ANK3: variants seen among roughly 807,000 people sequenced by gnomAD.
The protein encoded by ANK3 is ankyrin 3, also known as ankyrin-3.
Under a neutral mutation model 370.9 loss-of-function variants are expected in ANK3, and 57 were observed. The observed-to-expected ratio is 0.15, with a 90% CI of 0.12 to 0.19. ANK3 has a LOEUF of 0.19. Among genes scored for constraint, ANK3 ranks in the 10% least tolerant of loss-of-function variants. ANK3 has a pLI of 1.00. For missense variants in ANK3, 4,439 were observed against 5,302.1 expected (o/e 0.84, Z 5.06); for synonymous variants, 1,929 against 1,946.3 (o/e 0.99, Z 0.23).
At chr10:60,175,823 T>A (rs894452755) in intron 18 of ANK3, among the ~76,000 whole-genome samples, 2 of 152,220 alleles carry the variant, frequency 1.3e-5, no homozygotes, top group African/African-American at 4.8e-5. Context: ...GATAAGTTAT[T>A]GAACCTCTCT....
intron 14 of ANK3, among the ~76,000 whole-genome samples, chr10:60,197,236 C>T (rs751638758): frequency 2.8e-4 from 42 of 152,120 alleles, no homozygotes; most frequent in Non-Finnish European, 5.3e-4. Context: ...TTTAGAATGA[C>T]GACGTCTATT....
intron 2 of ANK3, among the ~76,000 whole-genome samples, chr10:60,555,641 C>T (rs540336883): frequency 6.6e-6 from 1 of 152,206 alleles, no homozygotes; most frequent in Non-Finnish European, 1.5e-5. Context: ...CATTCTAAAT[C>T]TTCAATATTG....
intron 23 of ANK3, among the ~76,000 whole-genome samples, chr10:60,142,864 C>T (rs1242407277): frequency 1.3e-5 from 2 of 152,078 alleles, no homozygotes; most frequent in East Asian, 3.9e-4. Flanking sequence ...ACAGTAGGTG[C>T]TCTAGGTTCA....
intron 25 of ANK3, among the ~76,000 whole-genome samples, chr10:60,129,730 G>C (rs2093961959): frequency 7.1e-6 from 1 of 140,218 alleles, no homozygotes; most frequent in Non-Finnish European, 1.6e-5. Context: ...TCCAGCCTGA[G>C]TGATAGAGTG....
Position 60,500,792 on chromosome 10 carries a change from C to T in ANK3, c.96+114394G>A, listed in dbSNP as rs988254667. ...TCCTACAATGCCAAAGTGTAAGAAC[C>T]ACTGCACTAGAGGGTATTAATATTT... is the stretch of plus-strand genomic sequence containing the variant. On this transcript the variant is annotated intron_variant, in intron 2 of 43. Coordinates refer to the ANK3 transcript ENST00000373827. Among the ~76,000 whole-genome samples, 4 of 152,142 alleles carry T rather than the reference C, an allele frequency of 2.6e-5. No homozygotes were observed. The South Asian group carries it at 8.3e-4, about 32-fold the overall frequency.
chr10:60,345,088 T>C (rs900036129), intron 1 of ANK3, among the ~76,000 whole-genome samples: 17 of 74,572 alleles, frequency 2.3e-4, no homozygotes, highest in African/African-American at 3.9e-4. Context: ...GCAGCCAATA[T>C]TGTGAAACAA....
intron 1 of ANK3, among the ~76,000 whole-genome samples, chr10:60,298,343 C>T (rs557370833): frequency 6.6e-6 from 1 of 152,242 alleles, no homozygotes; most frequent in East Asian, 1.9e-4. Context: ...TATTAATGAT[C>T]ATTCATGAAA....
At chr10:60,279,226 ATAT>A in intron 2 of ANK3, 78 bp from the exon 3 acceptor site, 1 of 1,268,504 alleles carries the variant, frequency 7.9e-7, no homozygotes, top group Non-Finnish European at 1.1e-6. Flanking sequence ...AACTCCTGAG[ATAT>A]TATAAAGTCC....
At chr10:60,555,703 C>T (rs544316882) in intron 2 of ANK3, among the ~76,000 whole-genome samples, 10 of 152,020 alleles carry the variant, frequency 6.6e-5, no homozygotes, top group South Asian at 4.2e-4. Context: ...CAGTTTGGAC[C>T]GGTAGACTGT....
intron 1 of ANK3, among the ~76,000 whole-genome samples, chr10:60,333,255 C>A (rs2051836428): frequency 6.6e-6 from 1 of 152,036 alleles, no homozygotes; most frequent in South Asian, 2.1e-4. Context: ...ACCCATCAAC[C>A]CGTCATCTAC....
In ANK3 at chr10:60,075,296, T is replaced by C. The variant is rs1296449865; in HGVS notation, c.5585A>G (p.Glu1862Gly). The C allele has an allele frequency of 5.6e-6, 9 of 1,614,178 alleles. No homozygotes were observed. The highest frequency in any genetic ancestry group is 7.6e-6 in the Non-Finnish European group (9 of 1,180,016). The stretch of plus-strand genomic sequence containing the variant: ...ACTGAAGTGAGGCTGAGGATGTGTC[T>C]CCGTAGTCAATGTTTTAATGGGTGA... Reference protein sequence around the residue: ...LLSPIKTLTTETHPQPHFSRT... With the variant: ...LLSPIKTLTTGTHPQPHFSRT... The change falls in exon 37 of 44, where the codon GAG (glutamate) becomes GGG (glycine). Residue 1862 changes from glutamate (E) to glycine (G), a missense_variant. Physicochemically the swap from Glu to Gly is moderately conservative, Grantham distance 98. This residue lies in a region of ANK3 where 679 missense variants were observed against 791.0 expected (regional missense o/e 0.86). Coordinates refer to ENST00000280772, the MANE Select transcript of ANK3 (RefSeq NM_020987.5).
intron 2 of ANK3, among the ~76,000 whole-genome samples, chr10:60,488,411 T>C (rs980631740): frequency 1.3e-5 from 2 of 152,220 alleles, no homozygotes; most frequent in African/African-American, 4.8e-5. Flanking sequence ...ATCATTTTAT[T>C]GAGATGTTAT....
intron 43 of ANK3, among the ~76,000 whole-genome samples, chr10:60,035,609 T>C (rs2074782902): frequency 6.6e-6 from 1 of 151,798 alleles, no homozygotes; most frequent in Non-Finnish European, 1.5e-5. Context: ...AGCTAATATA[T>C]AGTGGAGCCA....
chr10:60,426,636 G>A (rs375392439), intron 2 of ANK3, among the ~76,000 whole-genome samples: 1 of 152,044 alleles, frequency 6.6e-6, no homozygotes, highest in South Asian at 2.1e-4. Flanking sequence ...TAATATGTAA[G>A]AAGTGCTTTT....
At chr10:60,262,457 T>C (rs1177895706) in intron 6 of ANK3, among the ~76,000 whole-genome samples, 1 of 152,226 alleles carries the variant, frequency 6.6e-6, no homozygotes, top group African/African-American at 2.4e-5. Flanking sequence ...TGGGCAATTG[T>C]ATTCCATGAA....
At position 60,213,549 on chromosome 10, in the gene ANK3, A is replaced by G. The variant is rs775859216; in HGVS notation, c.898-39T>C. On this transcript the variant is annotated intron_variant, in intron 8 of 43. Transcript: ENST00000280772. The stretch of plus-strand genomic sequence containing the variant: ...GAAACATCACCAATTAAATTTGACA[A>G]TAAATTCTATGAGTGCAGTGTACTT... 5 of 1,417,722 alleles carry G rather than the reference A, an allele frequency of 3.5e-6. No individual in the cohort carries two copies. In the South Asian group the frequency reaches 6.3e-5, roughly 18 times the overall value. 87.8% of individuals were successfully genotyped at this position (1,417,722 alleles called of 1,614,324 possible).
At chr10:60,165,240 A>C (rs2095596961) in intron 23 of ANK3, among the ~76,000 whole-genome samples, 1 of 152,192 alleles carries the variant, frequency 6.6e-6, no homozygotes, top group Non-Finnish European at 1.5e-5. Flanking sequence ...TCTATGTAAG[A>C]ATATCATTTT....
intron 7 of ANK3, among the ~76,000 whole-genome samples, chr10:60,247,386 CAT>C (rs1396586668): frequency 1.3e-5 from 2 of 152,098 alleles, no homozygotes; most frequent in Non-Finnish European, 2.9e-5. Flanking sequence ...ATATACGTAA[CAT>C]AAAACTTCCA....
intron 2 of ANK3, among the ~76,000 whole-genome samples, chr10:60,449,076 T>A (rs1337961831): frequency 6.6e-6 from 1 of 152,164 alleles, no homozygotes; most frequent in Non-Finnish European, 1.5e-5. Flanking sequence ...GAACATGCCT[T>A]GGCCCTATGC....
Sources: allele counts gnomAD v4.1 joint callset (sites outside exome capture counted in the v4.1 genomes callset), GRCh38; gene constraint gnomAD v4.1.1; regional missense constraint gnomAD v4.1.1; transcripts MANE v1.5; gene names NCBI Gene and HGNC (gene_info 2026-07-23, HGNC 2026-07-21).